The following KIR2DL3 variants were observed in gnomAD, a reference collection of about 807,000 sequenced individuals.
KIR2DL3 encodes killer cell immunoglobulin like receptor, two Ig domains and long cytoplasmic tail 3.
In KIR2DL3, 39 loss-of-function variants were observed where a neutral mutation model predicts 33.8. The ratio of observed to expected loss-of-function variants is 1.15; its 90% CI spans 0.89 to 1.51. The LOEUF (loss-of-function observed/expected upper bound fraction) is 1.51. Ranked by LOEUF, KIR2DL3 falls within the 40% of genes most tolerant of loss-of-function variation. KIR2DL3 has a pLI of 0.00. For synonymous variants in KIR2DL3, 174 were observed against 160.2 expected (o/e 1.09, Z -0.65); for missense variants, 462 against 426.2 (o/e 1.08, Z -0.74).
chr19:54,745,088 G>A (rs1224787819), intron 4 of KIR2DL3, among the ~76,000 whole-genome samples: 2 of 149,732 alleles, frequency 1.3e-5, no homozygotes. Context: ...TCTTTGTAAT[G>A]ACTTCCAGTT....
chr19:54,745,805 A>C (rs1399559152), intron 4 of KIR2DL3, among the ~76,000 whole-genome samples: 1 of 144,870 alleles, frequency 6.9e-6, no homozygotes, highest in Non-Finnish European at 1.5e-5. Flanking sequence ...GCTAAAAGCC[A>C]TTTTATTTTA....
At chr19:54,746,993 GA>G (rs1205852546) in intron 4 of KIR2DL3, among the ~76,000 whole-genome samples, 8 of 123,824 alleles carry the variant, frequency 6.5e-5, no homozygotes, top group African/African-American at 2.4e-4. Flanking sequence ...AAAGAAAAAA[GA>G]AAAAAACATT....
intron 2 of KIR2DL3, among the ~76,000 whole-genome samples, chr19:54,740,041 A>G (rs2070725617): frequency 6.6e-6 from 1 of 151,970 alleles, no homozygotes; most frequent in Non-Finnish European, 1.5e-5. Context: ...TTACAGTATT[A>G]AAATCTAGTA....
intron 5 of KIR2DL3, among the ~76,000 whole-genome samples, chr19:54,749,017 A>T (rs1413142519): frequency 6.6e-6 from 1 of 152,030 alleles, no homozygotes; most frequent in African/African-American, 2.4e-5. Context: ...ACATTAATGA[A>T]AAACACGGAT....
chr19:54,742,687 C>T (rs2071403730), intron 3 of KIR2DL3, among the ~76,000 whole-genome samples: 1 of 150,534 alleles, frequency 6.6e-6, no homozygotes, highest in African/African-American at 2.4e-5. Context: ...GCCCTGTGGC[C>T]TCAGGCCTTG....
intron 5 of KIR2DL3, among the ~76,000 whole-genome samples, chr19:54,748,719 T>C (rs376885855): frequency 2.5e-4 from 34 of 138,692 alleles, no homozygotes; most frequent in East Asian, 6.1e-4. Context: ...TCTCCTGGAT[T>C]CAAGTGATTC....
At position 54,741,960 on chromosome 19, in the gene KIR2DL3, C is replaced by G. The variant is rs754692525; in HGVS notation, c.71-20C>G. ...ATGATAAAGAGAGACACCTTCTAAACTCACAACCTCTCTTCCTAGGAGTCC... is the reference window on the plus strand; with the variant it reads ...ATGATAAAGAGAGACACCTTCTAAAGTCACAACCTCTCTTCCTAGGAGTCC... On this transcript the variant is annotated intron_variant, in intron 2 of 7. Coordinates refer to ENST00000342376, the MANE Select transcript of KIR2DL3 (RefSeq NM_015868.3). 4.2e-5 allele frequency: 67 copies of G among 1,589,516 alleles called. No individual in the cohort carries two copies. The highest frequency in any genetic ancestry group is 3.6e-4 in the South Asian group (32 of 89,946).
At chr19:54,742,697 G>C (rs199762786) in intron 3 of KIR2DL3, among the ~76,000 whole-genome samples, 1,626 of 129,474 alleles carry the variant, frequency 0.013, 8 homozygotes, top group South Asian at 0.025. Context: ...CTCAGGCCTT[G>C]TGGCACCTAC....
chr19:54,742,413 C>G, intron 3 of KIR2DL3, 134 bp downstream of exon 3: 2 of 1,305,512 alleles, frequency 1.5e-6, no homozygotes, highest in Non-Finnish European at 2.2e-6. Context: ...GAGGTTTGTA[C>G]CAACAGAGAC....
intron 4 of KIR2DL3, among the ~76,000 whole-genome samples, chr19:54,744,944 A>C (rs377576468): frequency 0.013 from 360 of 26,812 alleles, 3 homozygotes; most frequent in African/African-American, 0.043. Context: ...ATATATATAT[A>C]TATATATATA....
chr19:54,742,032 A>G lies in KIR2DL3; in HGVS notation c.123A>G (p.Ser41=). 6.2e-7 allele frequency: 1 copy of G among 1,612,510 alleles called. No homozygotes were observed. The highest frequency in any genetic ancestry group is 8.5e-7 in the Non-Finnish European group (1 of 1,179,012). Residue 41 remains serine (S), a synonymous_variant, in exon 3 of 8, where the codon TCA becomes TCG. Coordinates refer to ENST00000342376, the MANE Select transcript of KIR2DL3 (RefSeq NM_015868.3). ...CCCACCCAGGTCCCCTGGTGAAATCAGAAGAGACAGTCATCCTGCAATGTT... is the reference window on the plus strand; with the variant it reads ...CCCACCCAGGTCCCCTGGTGAAATCGGAAGAGACAGTCATCCTGCAATGTT... ...LLAHPGPLVK[S]EETVILQCWS... is the part of the protein sequence containing the mutation.
rs556641638 is a variant in KIR2DL3 at position 54,747,399 on chromosome 19, C to G, written c.715+14C>G. On this transcript the variant is annotated intron_variant, in intron 5 of 7. Transcript: ENST00000342376. Reference sequence around the variant, plus strand: ...GCTCCGAAACCGGTGAGTACAGAACCCTCTTATATCCGCTTTTGGAAACCT... The same window carrying G: ...GCTCCGAAACCGGTGAGTACAGAACGCTCTTATATCCGCTTTTGGAAACCT... 1.2e-6 allele frequency: 2 copies of G among 1,609,424 alleles called. No homozygotes were observed. Among genetic ancestry groups the G allele is most frequent in the East Asian group, 4.5e-5 (2 of 44,876 alleles).
intron 1 of KIR2DL3, among the ~76,000 whole-genome samples, chr19:54,739,198 G>T (rs1175370370): frequency 6.6e-6 from 1 of 151,402 alleles, no homozygotes; most frequent in East Asian, 2.0e-4. Context: ...TCTGGGCCTG[G>T]GGCGGAGATA....
intron 2 of KIR2DL3, among the ~76,000 whole-genome samples, chr19:54,740,053 G>C (rs112262159): frequency 6.6e-5 from 10 of 152,294 alleles, no homozygotes; most frequent in African/African-American, 2.4e-4. Context: ...AATCTAGTAG[G>C]AGTCTCTTTA....
Position 54,751,739 on chromosome 19 carries a change from GC to G in KIR2DL3, c.807del (p.Cys270AlafsTer8), listed in dbSNP as rs770508650. The G allele has an allele frequency of 6.9e-6, 10 of 1,453,402 alleles. 1 individual carries two copies. In the African/African-American group the frequency reaches 9.4e-5, roughly 14 times the overall value. The allele number at this position is 1,453,402 out of a possible 1,614,324, so 90.0% of individuals were successfully genotyped here. A position where few individuals can be genotyped will look rare whatever the true frequency, so the allele number is the denominator to read the frequency against. ...CTCTTCTTTCTCCTTCATCGCTGGT[GC>G]TGCAACAAAAAAAGTAAGTCTCACG... ...LLLFFLLHRW[C>X]CNKKNAVVMD... On this transcript the variant is annotated frameshift_variant, in exon 6 of 8. Transcript: ENST00000342376. LOFTEE classifies it high-confidence loss of function.
rs201216657 is a variant in KIR2DL3, at chr19:54,738,599, C to T, written c.34+20C>T. 1.1e-5 allele frequency: 18 copies of T among 1,607,382 alleles called. No individual in the cohort carries two copies. The highest frequency in any genetic ancestry group is 3.4e-5 in the Admixed American group (2 of 59,350). ...GTGTTGGTGAGTCCTGGAAGGGCAT[C>T]GAGGGAGGGAGTGCGGGGATGGAGA... On this transcript the variant is annotated intron_variant, in intron 1 of 7. Transcript: ENST00000342376.
chr19:54,747,198 C>T (rs75102618), intron 4 of KIR2DL3, 137 bp from the exon 5 acceptor site: 251,350 of 872,946 alleles, frequency 0.29, 20,278 homozygotes, highest in South Asian at 0.39. Flanking sequence ...ACAAAAATTA[C>T]GGAAAAAAGG....
chr19:54,751,723 C>A lies in KIR2DL3; in HGVS notation c.790C>A (p.Leu264Ile). 6.8e-7 allele frequency: 1 copy of A among 1,472,136 alleles called. No individual in the cohort carries two copies. The highest frequency in any genetic ancestry group is 1.5e-5 in the African/African-American group (1 of 65,064). 91.2% of individuals were successfully genotyped at this position (1,472,136 alleles called of 1,614,324 possible). Residue 264 changes from leucine to isoleucine, a missense_variant, in exon 6 of 8, where the codon CTC becomes ATC. Physicochemically the swap from Leu to Ile is conservative, Grantham distance 5. Coordinates refer to ENST00000342376, the MANE Select transcript of KIR2DL3 (RefSeq NM_015868.3). ...CCTCTTCATCCTCCTCCTCTTCTTT[C>A]TCCTTCATCGCTGGTGCTGCAACAA... ...IILFILLLFF[L>I]LHRWCCNKKN... is the part of the protein sequence containing the mutation.
At chr19:54,739,611 A>G (rs571057888) in intron 2 of KIR2DL3, 69 bp downstream of exon 2, 1 of 1,612,138 alleles carries the variant, frequency 6.2e-7, no homozygotes, top group Non-Finnish European at 8.5e-7. Flanking sequence ...ACAGGAGGGA[A>G]GTCCTGTCGG....
Sources: allele counts gnomAD v4.1 joint callset (sites outside exome capture counted in the v4.1 genomes callset), GRCh38; gene constraint gnomAD v4.1.1; transcripts MANE v1.5; gene names NCBI Gene and HGNC (gene_info 2026-07-23, HGNC 2026-07-21).